Variants in CHRM3 observed in about 807,000 individuals in gnomAD.
CHRM3 encodes the protein muscarinic acetylcholine receptor M3.
CHRM3 carries 11 observed loss-of-function variants against 41.8 expected under a neutral mutation model. The observed-to-expected ratio is 0.26, with a 90% confidence interval of 0.17 to 0.44. CHRM3 has a LOEUF of 0.44. Ranked by LOEUF, CHRM3 falls within the 20% of genes least tolerant of loss-of-function variation. The pLI, the probability that CHRM3 is intolerant of heterozygous loss-of-function variation, is 1.00. For synonymous variants in CHRM3, 297 were observed against 301.4 expected (o/e 0.99, Z 0.15); for missense variants, 571 against 745.4 (o/e 0.77, Z 2.72).
intron 6 of CHRM3, among the ~76,000 whole-genome samples, chr1:239,859,872 GTA>G (rs1675491033): frequency 1.5e-5 from 2 of 133,580 alleles, no homozygotes; most frequent in Admixed American, 1.7e-4. Flanking sequence ...CTCAAAATAA[GTA>G]TAGTATTATT....
chr1:239,724,210 A>G (rs1663233121), intron 5 of CHRM3, among the ~76,000 whole-genome samples: 1 of 151,790 alleles, frequency 6.6e-6, no homozygotes, highest in Admixed American at 6.6e-5. Flanking sequence ...AACCTCCCAG[A>G]TTTACAGAAG....
chr1:239,473,355 G>T (rs939584724), intron 1 of CHRM3, among the ~76,000 whole-genome samples: 6 of 151,324 alleles, frequency 4.0e-5, no homozygotes, highest in Non-Finnish European at 7.4e-5. Context: ...AACTAGATTG[G>T]CATTTAGAAT....
intron 5 of CHRM3, among the ~76,000 whole-genome samples, chr1:239,728,698 C>G (rs1663673748): frequency 6.6e-6 from 1 of 151,956 alleles, no homozygotes; most frequent in African/African-American, 2.4e-5. Flanking sequence ...GAATTTTTGT[C>G]ACAAGGTCTC....
At chr1:239,394,727 C>A (rs111623449) in intron 1 of CHRM3, among the ~76,000 whole-genome samples, 1 of 152,164 alleles carries the variant, frequency 6.6e-6, no homozygotes, top group African/African-American at 2.4e-5. Context: ...AGCCAAAAAT[C>A]TAATTCTCAT....
At chr1:239,803,111 C>G (rs929203095) in intron 5 of CHRM3, among the ~76,000 whole-genome samples, 26 of 152,114 alleles carry the variant, frequency 1.7e-4, no homozygotes, top group Non-Finnish European at 3.4e-4. Flanking sequence ...ATATAAAATA[C>G]TCTCAAACCC....
intron 2 of CHRM3, among the ~76,000 whole-genome samples, chr1:239,525,307 C>T (rs1669919880): frequency 6.6e-6 from 1 of 151,962 alleles, no homozygotes; most frequent in African/African-American, 2.4e-5. Flanking sequence ...CCACTGCTCT[C>T]CAGCCCTGGT....
chr1:239,389,847 C>A (rs12023139), intron 1 of CHRM3, among the ~76,000 whole-genome samples: 1 of 152,274 alleles, frequency 6.6e-6, no homozygotes, highest in East Asian at 1.9e-4. Flanking sequence ...TCCAGTGTGA[C>A]TATTAAGAAA....
At chr1:239,569,253 G>A (rs1447781577) in intron 3 of CHRM3, among the ~76,000 whole-genome samples, 1 of 152,084 alleles carries the variant, frequency 6.6e-6, no homozygotes, top group African/African-American at 2.4e-5. Context: ...TCAAAAGATT[G>A]TTTTTAAAAA....
chr1:239,407,454 A>G (rs1660705705), intron 1 of CHRM3, among the ~76,000 whole-genome samples: 1 of 151,094 alleles, frequency 6.6e-6, no homozygotes, highest in South Asian at 2.1e-4. Flanking sequence ...CTAAATTTCC[A>G]GTTTCTAGAA....
chr1:239,409,983 G>A (rs905971247), intron 1 of CHRM3, among the ~76,000 whole-genome samples: 6 of 152,024 alleles, frequency 3.9e-5, no homozygotes, highest in African/African-American at 1.4e-4. Flanking sequence ...GCTTGGGCTT[G>A]GTAACCAGGA....
intron 4 of CHRM3, among the ~76,000 whole-genome samples, chr1:239,640,276 T>C (rs1489019180): frequency 1.3e-5 from 2 of 152,242 alleles, no homozygotes; most frequent in African/African-American, 4.8e-5. Context: ...GATGCTGGCA[T>C]CATAAAATGA....
intron 4 of CHRM3, among the ~76,000 whole-genome samples, chr1:239,640,353 C>G (rs1352716856): frequency 5.9e-5 from 9 of 152,098 alleles, no homozygotes; most frequent in Non-Finnish European, 1.2e-4. Context: ...CCAGTTCCTC[C>G]TTTTACCTCT....
At chr1:239,542,349 A>G (rs552092505) in intron 2 of CHRM3, among the ~76,000 whole-genome samples, 1 of 152,162 alleles carries the variant, frequency 6.6e-6, no homozygotes, top group African/African-American at 2.4e-5. Flanking sequence ...AAATTAGAAG[A>G]TGTTATCTAC....
chr1:239,417,229 T>C (rs1020008299), intron 1 of CHRM3, among the ~76,000 whole-genome samples: 2 of 152,184 alleles, frequency 1.3e-5, no homozygotes, highest in East Asian at 3.8e-4. Context: ...AGGAAAAATG[T>C]GTGAATGGAG....
At chr1:239,778,238 A>G (rs1668251170) in intron 5 of CHRM3, among the ~76,000 whole-genome samples, 1 of 152,214 alleles carries the variant, frequency 6.6e-6, no homozygotes. Flanking sequence ...CTCAAAACAT[A>G]AAAACTGAAT....
intron 6 of CHRM3, among the ~76,000 whole-genome samples, chr1:239,900,098 A>G (rs113686351): frequency 8.7e-4 from 132 of 152,314 alleles, no homozygotes; most frequent in African/African-American, 2.9e-3. Context: ...ATTCAATTCA[A>G]TGAGTGTAGA....
In CHRM3 at chr1:239,387,640, G is replaced by C. The variant is rs1226699457; in HGVS notation, c.-521+413G>C. Among the ~76,000 whole-genome samples the C allele has an allele frequency of 1.3e-5, 2 of 152,102 alleles. No homozygotes were observed. The highest frequency in any genetic ancestry group is 1.3e-4 in the Admixed American group (2 of 15,268). ...AGTGCCCGAGCATGAGGAGCTACTGGGCTCCGGGTGTGTTTGTGAGCGCAC... is the reference window on the plus strand; with the variant it reads ...AGTGCCCGAGCATGAGGAGCTACTGCGCTCCGGGTGTGTTTGTGAGCGCAC... On this transcript the variant is annotated intron_variant, in intron 1 of 6. Transcript: ENST00000676153. This position sits in a 1 kb window ranked among gnomAD's most constrained non-coding sequence, Gnocchi z 5.1.
In CHRM3 at chr1:239,913,194, C is replaced by T. The variant is rs1339690729; in HGVS notation, c.*3970C>T. On this transcript the variant is annotated 3_prime_UTR_variant, in exon 7 of 7. Coordinates refer to ENST00000676153, the MANE Select transcript of CHRM3 (RefSeq NM_001375978.1). ...AAGCTTTGAAATTTGTTGGCAAACC[C>T]GGAGTAGTATGGTTTCAAATACCAC... The T allele has an allele frequency of 1.2e-5, 2 of 166,974 alleles. No homozygotes were observed. The highest frequency in any genetic ancestry group is 6.5e-5 in the Admixed American group (1 of 15,280). 10.3% of individuals were successfully genotyped at this position (166,974 alleles called of 1,614,324 possible). A position where few individuals can be genotyped will look rare whatever the true frequency, so the allele number is the denominator to read the frequency against.
chr1:239,733,692 A>G (rs1161436071), intron 5 of CHRM3, among the ~76,000 whole-genome samples: 1 of 152,112 alleles, frequency 6.6e-6, no homozygotes, highest in East Asian at 1.9e-4. Context: ...TGAAGATTAA[A>G]TAGGGAATTT....
Sources: gnomAD v4.1 joint callset for allele counts (sites outside exome capture counted in the v4.1 genomes callset) on GRCh38, gnomAD v4.1.1 for gene constraint, Gnocchi (gnomAD v3.1) non-coding constraint, MANE v1.5 for transcripts, NCBI Gene and HGNC (gene_info 2026-07-23, HGNC 2026-07-21) for gene names.